Variants in SLC25A48 observed in about 807,000 individuals in gnomAD.
SLC25A48 encodes solute carrier family 25 member 48, also known as CTC-321K16.1.
SLC25A48 carries 29 observed loss-of-function variants against 32.2 expected under a neutral mutation model. The observed-to-expected ratio is 0.90, with a 90% CI of 0.67 to 1.23. SLC25A48 has a LOEUF of 1.23. Ranked by LOEUF, SLC25A48 falls within the 50% of genes most tolerant of loss-of-function variation. SLC25A48 has a pLI of 0.00. For missense variants in SLC25A48, 399 were observed against 422.7 expected (o/e 0.94, Z 0.49); for synonymous variants, 164 against 172.3 (o/e 0.95, Z 0.38).
At chr5:135,699,532 G>T (rs1402169369) in intron 3 of SLC25A48, among the ~76,000 whole-genome samples, 2 of 152,224 alleles carry the variant, frequency 1.3e-5, no homozygotes, top group Non-Finnish European at 2.9e-5. Context: ...GAGCAAGGAG[G>T]CAGAGCGTGA....
intron 4 of SLC25A48, among the ~76,000 whole-genome samples, chr5:135,820,377 T>A (rs1342025049): frequency 6.6e-6 from 1 of 152,170 alleles, no homozygotes; most frequent in Admixed American, 6.5e-5. Flanking sequence ...AAAAAGCACA[T>A]CAGTGGTTGC....
chr5:135,829,024 A>G lies in SLC25A48; in HGVS notation c.-116-13392A>G, dbSNP rs370632019. Among the ~76,000 whole-genome samples the G allele has an allele frequency of 3.9e-4, 60 of 152,068 alleles. 1 individual carries two copies. Among genetic ancestry groups the G allele is most frequent in the African/African-American group, 8.0e-4 (33 of 41,488 alleles). On this transcript the variant is annotated intron_variant, in intron 4 of 10. Coordinates refer to the SLC25A48 transcript ENST00000646290. ...CTGGGTTCTGCCCTCCAAATTTCCT[A>G]TGGTCCTGGCCTCTATTTGAGGTCA... is the stretch of plus-strand genomic sequence containing the variant.
At chr5:135,788,627 G>A (rs1041748450) in intron 3 of SLC25A48, among the ~76,000 whole-genome samples, 9 of 151,586 alleles carry the variant, frequency 5.9e-5, no homozygotes, top group Non-Finnish European at 8.8e-5. Flanking sequence ...GCAGGGAGAG[G>A]GTGATATTCC....
At chr5:135,884,799 T>A (rs1762659259) in intron 7 of SLC25A48, among the ~76,000 whole-genome samples, 2 of 152,182 alleles carry the variant, frequency 1.3e-5, no homozygotes, top group Non-Finnish European at 2.9e-5. Context: ...TGGTGCTGTG[T>A]CCACAAGGCC....
chr5:135,646,560 G>T (rs1752962651), intron 3 of SLC25A48, among the ~76,000 whole-genome samples: 2 of 150,994 alleles, frequency 1.3e-5, no homozygotes, highest in Non-Finnish European at 2.9e-5. Flanking sequence ...AGGATTTAAT[G>T]ATCTAATTCA....
chr5:135,703,736 G>C (rs1169031441), intron 3 of SLC25A48, among the ~76,000 whole-genome samples: 3 of 152,196 alleles, frequency 2.0e-5, no homozygotes, highest in Admixed American at 6.5e-5. Context: ...GACTGGCCCT[G>C]CCAGACCGTG....
At chr5:135,887,587 A>T (rs1762780986) in intron 7 of SLC25A48, among the ~76,000 whole-genome samples, 1 of 152,136 alleles carries the variant, frequency 6.6e-6, no homozygotes, top group Admixed American at 6.6e-5. Context: ...CCTCCGCAGG[A>T]ATCCGCGTCT....
At chr5:135,671,983 C>T (rs1357564414) in intron 3 of SLC25A48, among the ~76,000 whole-genome samples, 3 of 151,032 alleles carry the variant, frequency 2.0e-5, no homozygotes, top group Admixed American at 1.3e-4. Flanking sequence ...TTTGTAGGAA[C>T]TGGCCTTCCC....
chr5:135,749,694 C>T (rs991570472), intron 3 of SLC25A48, among the ~76,000 whole-genome samples: 4 of 152,094 alleles, frequency 2.6e-5, no homozygotes, highest in Admixed American at 6.6e-5. Flanking sequence ...CGGGTTCAAG[C>T]GATTCTCCTG....
At chr5:135,882,897 T>G (rs1450215534) in intron 7 of SLC25A48, among the ~76,000 whole-genome samples, 1 of 152,222 alleles carries the variant, frequency 6.6e-6, no homozygotes, top group African/African-American at 2.4e-5. Context: ...ATACCTTTGC[T>G]GAACATTTTC....
intron 2 of SLC25A48, among the ~76,000 whole-genome samples, chr5:135,634,118 A>G (rs887937675): frequency 6.6e-6 from 1 of 152,196 alleles, no homozygotes; most frequent in South Asian, 2.1e-4. Context: ...CTCTCCAAAA[A>G]CAAGGTAAGA....
chr5:135,608,721 A>T (rs1005051868), intron 1 of SLC25A48, among the ~76,000 whole-genome samples: 59 of 152,170 alleles, frequency 3.9e-4, no homozygotes, highest in Non-Finnish European at 4.4e-4. Context: ...CAGGAAATGG[A>T]GGGTGCCTTC....
intron 3 of SLC25A48, among the ~76,000 whole-genome samples, chr5:135,639,432 A>G (rs114649105): frequency 0.011 from 1,632 of 152,312 alleles, 42 homozygotes; most frequent in African/African-American, 0.037. Flanking sequence ...TGGGCATGCA[A>G]TGGGGTAGGA....
chr5:135,837,807 T>A (rs959006488), intron 1 of SLC25A48, among the ~76,000 whole-genome samples: 6 of 152,244 alleles, frequency 3.9e-5, no homozygotes, highest in African/African-American at 1.4e-4. Flanking sequence ...ATTAAATCTC[T>A]TTCATTTGTA....
intron 3 of SLC25A48, among the ~76,000 whole-genome samples, chr5:135,648,318 CTCCTA>C (rs1272317369): frequency 6.6e-6 from 1 of 152,188 alleles, no homozygotes; most frequent in African/African-American, 2.4e-5. Flanking sequence ...TCCCAGGGCA[CTCCTA>C]TCAGGCAGCC....
Position 135,851,950 on chromosome 5 carries a change from C to T in SLC25A48, c.163-613C>T, listed in dbSNP as rs116102402. 5.8e-3 allele frequency among the ~76,000 whole-genome samples: 879 copies of T among 152,278 alleles called. 12 individuals are homozygous for T. Among genetic ancestry groups the T allele is most frequent in the African/African-American group, 0.02 (836 of 41,552 alleles). ...CCACTTCTGTCAGAAGACACCCATG[C>T]TCATGGGCACTCATCTAGAGGCTGG... On this transcript the variant is annotated intron_variant, in intron 3 of 7. Transcript: ENST00000681962.
At chr5:135,622,852 A>G (rs1331249017) in intron 1 of SLC25A48, among the ~76,000 whole-genome samples, 1 of 152,258 alleles carries the variant, frequency 6.6e-6, no homozygotes, top group Non-Finnish European at 1.5e-5. Context: ...TGGTAATAAT[A>G]AAAAGACTGT....
At chr5:135,786,844 G>A (rs1485368344) in intron 3 of SLC25A48, among the ~76,000 whole-genome samples, 5 of 152,018 alleles carry the variant, frequency 3.3e-5, no homozygotes, top group African/African-American at 4.8e-5. Flanking sequence ...TTTATGCCCT[G>A]TGATATTATT....
At chr5:135,831,200 G>T (rs553078524), upstream of SLC25A48, among the ~76,000 whole-genome samples, 4 of 152,320 alleles carry the variant, frequency 2.6e-5, no homozygotes, top group East Asian at 7.7e-4. Flanking sequence ...GCCAGGGGGA[G>T]TCCTCACACC....
Sources: gnomAD v4.1 joint callset for allele counts (sites outside exome capture counted in the v4.1 genomes callset) on GRCh38, gnomAD v4.1.1 for gene constraint, MANE v1.5 for transcripts, NCBI Gene and HGNC (gene_info 2026-07-23, HGNC 2026-07-21) for gene names.